The following PDZD2 variants were observed in gnomAD, a reference collection of about 807,000 sequenced individuals.
PDZD2 encodes the protein PDZ domain containing 2.
A neutral mutation model predicts 220.7 loss-of-function variants in PDZD2; 90 were observed. That is an observed-to-expected ratio of 0.41 (90% CI 0.34 to 0.49). The LOEUF is 0.49. Among genes scored for constraint, PDZD2 ranks in the 20% least tolerant of loss-of-function variants. The pLI is 0.28. For missense variants in PDZD2, 3,174 were observed against 3,608.5 expected, an observed-to-expected ratio of 0.88 and a Z score of 3.08; for synonymous variants, 1,375 against 1,450.5, an observed-to-expected ratio of 0.95 and a Z score of 1.18.
chr5:31,750,338 TG>T (rs1750877583), intron 1 of PDZD2, among the ~76,000 whole-genome samples: 3 of 152,224 alleles, frequency 2.0e-5, no homozygotes, highest in Admixed American at 6.5e-5. Flanking sequence ...TTCTGAGTTC[TG>T]TTAGCTCCTT....
At chr5:31,672,610 C>A (rs1237549129) in intron 1 of PDZD2, among the ~76,000 whole-genome samples, 3 of 152,152 alleles carry the variant, frequency 2.0e-5, no homozygotes, top group East Asian at 1.9e-4. Flanking sequence ...TCTCTCGGGC[C>A]CTCTCAGTAC....
chr5:31,962,391 A>G (rs1263525146), intron 2 of PDZD2, among the ~76,000 whole-genome samples: 8 of 152,178 alleles, frequency 5.3e-5, no homozygotes, highest in African/African-American at 1.9e-4. Context: ...GGAAGGGAAA[A>G]TAAATAAATC....
In PDZD2 at chr5:32,087,835, G is replaced by A. The variant is rs376639310; in HGVS notation, c.4387G>A (p.Gly1463Arg). 24 of 1,611,490 alleles carry A rather than the reference G, an allele frequency of 1.5e-5. No homozygotes were observed. The highest frequency in any genetic ancestry group is 5.5e-5 in the South Asian group (5 of 90,904). The change falls in exon 20 of 25, where the codon GGG (glycine) becomes AGG (arginine). Residue 1463 changes from glycine to arginine, a missense_variant. Around this residue, in one of 4 missense-constraint regions of PDZD2, gnomAD observed 1,861 missense variants for 2,001.0 expected, o/e 0.93. Coordinates refer to ENST00000438447, the MANE Select transcript of PDZD2 (RefSeq NM_178140.4). This position sits in a 1 kb window ranked among gnomAD's most constrained non-coding sequence, Gnocchi z 4.0. Reference protein sequence around the residue: ...EGSAQGHPPAGAGGGSSCRAE... With the variant: ...EGSAQGHPPARAGGGSSCRAE... The stretch of plus-strand genomic sequence containing the variant: ...CAGTGCTCAGGGCCACCCACCAGCC[G>A]GGGCTGGAGGTGGGAGCTCCTGCCG...
chr5:32,057,252 A>T (rs1739172484), intron 10 of PDZD2, among the ~76,000 whole-genome samples: 4 of 152,176 alleles, frequency 2.6e-5, no homozygotes, highest in Admixed American at 2.0e-4. Context: ...CAAATATAGG[A>T]GTGACTTCTC....
At chr5:32,103,022 T>C (rs751494250) in intron 24 of PDZD2, among the ~76,000 whole-genome samples, 15 of 152,024 alleles carry the variant, frequency 9.9e-5, no homozygotes, top group Non-Finnish European at 1.9e-4. Context: ...TAGATAGAAT[T>C]TGTAAAAACA....
In PDZD2 at chr5:31,805,368, C is replaced by T. The variant is rs1465929380; in HGVS notation, c.476+5644C>T. 3.9e-5 allele frequency among the ~76,000 whole-genome samples: 6 copies of T among 152,158 alleles called. No homozygotes were observed. In the East Asian group the frequency reaches 1.2e-3, roughly 29 times the overall value. ...TTTCAGTCTTTGTGACTGACTGTTTCCTTCAGTGCTAAATTTTCCCACCTA... is the reference window on the plus strand; with the variant it reads ...TTTCAGTCTTTGTGACTGACTGTTTTCTTCAGTGCTAAATTTTCCCACCTA... On this transcript the variant is annotated intron_variant, in intron 2 of 24. Transcript: ENST00000438447.
At chr5:31,956,565 A>AAAAT (rs1048493166) in intron 2 of PDZD2, among the ~76,000 whole-genome samples, 12 of 147,606 alleles carry the variant, frequency 8.1e-5, no homozygotes, top group South Asian at 2.1e-4. Flanking sequence ...AAAAATAAAT[A>AAAAT]AAATAAATAA....
Position 31,875,610 on chromosome 5 carries a change from A to T in PDZD2, c.476+75886A>T, listed in dbSNP as rs868577783. Reference sequence around the variant, plus strand: ...AAAAAAAAAAAAAATATATATATATATTTTAAAAATATATGTTTAAATATA... The same window carrying T: ...AAAAAAAAAAAAAATATATATATATTTTTTAAAAATATATGTTTAAATATA... On this transcript the variant is annotated intron_variant, in intron 2 of 24. Transcript: ENST00000438447. Among the ~76,000 whole-genome samples the T allele has an allele frequency of 5.7e-3, 833 of 147,364 alleles. 5 individuals are homozygous for T. The highest frequency in any genetic ancestry group is 0.02 in the African/African-American group (792 of 40,470).
chr5:31,774,875 C>T (rs912667766), intron 1 of PDZD2, among the ~76,000 whole-genome samples: 1 of 152,208 alleles, frequency 6.6e-6, no homozygotes, highest in Non-Finnish European at 1.5e-5. Context: ...AGGGATCATA[C>T]TCCTTAGTGT....
chr5:32,058,597 C>G (rs892441485), intron 12 of PDZD2, among the ~76,000 whole-genome samples: 3 of 149,356 alleles, frequency 2.0e-5, no homozygotes, highest in African/African-American at 7.5e-5. Flanking sequence ...TCGCTCGAAC[C>G]CGGGAGGCAG....
intron 2 of PDZD2, among the ~76,000 whole-genome samples, chr5:31,829,698 C>A (rs1756447672): frequency 6.6e-6 from 1 of 152,090 alleles, no homozygotes; most frequent in Non-Finnish European, 1.5e-5. Context: ...TCCTTCTTAC[C>A]TCTTACCAGT....
intron 1 of PDZD2, among the ~76,000 whole-genome samples, chr5:31,703,125 A>G (rs1747670491): frequency 6.6e-6 from 1 of 152,256 alleles, no homozygotes; most frequent in Non-Finnish European, 1.5e-5. Flanking sequence ...AGAACAAAGC[A>G]CTTGTTTTTA....
Position 32,053,901 on chromosome 5 carries a change from G to A in PDZD2, c.1900+18G>A, listed in dbSNP as rs781063149. The A allele has an allele frequency of 2.3e-6, 3 of 1,328,524 alleles. No individual in the cohort carries two copies. The South Asian group carries it at 3.5e-5, about 16-fold the overall frequency. 82.3% of individuals were successfully genotyped at this position (1,328,524 alleles called of 1,614,324 possible). ...TAAAGAAGGTAGGGGAAAGCCTCTT[G>A]TATCCTCAGTGACAGTGACTTTGAT... On this transcript the variant is annotated intron_variant, in intron 10 of 24. Coordinates refer to ENST00000438447, the MANE Select transcript of PDZD2 (RefSeq NM_178140.4).
intron 2 of PDZD2, among the ~76,000 whole-genome samples, chr5:31,931,480 G>A (rs1745292673): frequency 6.6e-6 from 1 of 152,136 alleles, no homozygotes; most frequent in South Asian, 2.1e-4. Flanking sequence ...TTTTAGGGCA[G>A]GCTGAGTTTG....
chr5:32,015,661 T>A (rs13178120), intron 6 of PDZD2, among the ~76,000 whole-genome samples: 66,469 of 152,050 alleles, frequency 0.44, 15,852 homozygotes, highest in African/African-American at 0.63. Flanking sequence ...CAAAAAAGGT[T>A]TGTGTCCTTT....
chr5:31,929,830 C>T (rs918648263), intron 2 of PDZD2, among the ~76,000 whole-genome samples: 4 of 152,128 alleles, frequency 2.6e-5, no homozygotes, highest in Non-Finnish European at 5.9e-5. Flanking sequence ...CATGTTTGTC[C>T]CCTCCAAGTC....
intron 2 of PDZD2, among the ~76,000 whole-genome samples, chr5:31,814,691 G>A (rs150756837): frequency 6.9e-4 from 105 of 151,962 alleles, no homozygotes; most frequent in Non-Finnish European, 1.2e-3. Context: ...GGTGGTGGGT[G>A]CCTGTAATCC....
intron 5 of PDZD2, among the ~76,000 whole-genome samples, chr5:32,003,543 G>C (rs896259662): frequency 2.7e-5 from 4 of 145,944 alleles, no homozygotes; most frequent in South Asian, 2.1e-4. Context: ...CACACACACA[G>C]AGGCATGTGT....
chr5:31,781,189 A>C (rs1753043565), intron 1 of PDZD2, among the ~76,000 whole-genome samples: 1 of 152,212 alleles, frequency 6.6e-6, no homozygotes, highest in Non-Finnish European at 1.5e-5. Flanking sequence ...TGAAGTGGGC[A>C]GATCACTTGA....
Sources: gnomAD v4.1 joint callset for allele counts (sites outside exome capture counted in the v4.1 genomes callset) on GRCh38, gnomAD v4.1.1 for gene constraint, gnomAD v4.1.1 regional missense constraint, Gnocchi (gnomAD v3.1) non-coding constraint, MANE v1.5 for transcripts, NCBI Gene and HGNC (gene_info 2026-07-23, HGNC 2026-07-21) for gene names.